The following RIF1 variants were observed in gnomAD, a reference collection of about 807,000 sequenced individuals.
The protein encoded by RIF1 is replication timing regulatory factor 1, also known as telomere-associated protein RIF1.
In RIF1, 45 loss-of-function variants were observed where a neutral mutation model predicts 247.1. That is an observed-to-expected ratio of 0.18 (90% CI 0.14 to 0.23). RIF1 has a LOEUF of 0.23. Among genes scored for constraint, RIF1 ranks in the 10% least tolerant of loss-of-function variants. RIF1 has a pLI of 1.00. For missense variants in RIF1, 2,967 were observed against 2,862.5 expected, an observed-to-expected ratio of 1.04 and a Z score of -0.83; for synonymous variants, 1,087 against 978.8, an observed-to-expected ratio of 1.11 and a Z score of -2.06.
At chr2:151,518,608 A>G in the RIF1 span, among the ~76,000 whole-genome samples, 1 of 152,380 alleles carries the variant, frequency 6.6e-6, no homozygotes, top group East Asian at 1.9e-4. Context: ...GTCCGTTAAG[A>G]TGTAAACACT....
Position 151,443,566 on chromosome 2 carries a change from C to T in RIF1, c.1843C>T (p.Leu615Phe). ...TTTGGAATCACTTGTAGGCTGTGTTCTTTCTGGTCCAACTTCACCACTAGC... is the reference window on the plus strand; with the variant it reads ...TTTGGAATCACTTGTAGGCTGTGTTTTTTCTGGTCCAACTTCACCACTAGC... ...LSLESLVGCVLSGPTSPLAFS... is the reference protein window; with the variant it reads ...LSLESLVGCVFSGPTSPLAFS... Residue 615 changes from leucine to phenylalanine, a missense_variant, in exon 18 of 36, where the codon CTT (leucine) becomes TTT (phenylalanine). By Grantham distance (22) the Leu-to-Phe change is conservative. Transcript: ENST00000444746. 1 of 1,607,910 alleles carries T rather than the reference C, an allele frequency of 6.2e-7. No individual in the cohort carries two copies. Among genetic ancestry groups the T allele is most frequent in the Non-Finnish European group, 8.5e-7 (1 of 1,178,328 alleles).
At chr2:151,462,490 G>A in intron 29 of RIF1, 24 bp downstream of exon 29, 1 of 1,498,004 alleles carries the variant, frequency 6.7e-7, no homozygotes, top group Admixed American at 1.9e-5. Flanking sequence ...TTCATATTTT[G>A]GGCTTTTTAG....
chr2:151,456,485 T>C (rs1370684840), intron 22 of RIF1, 93 bp from the exon 23 acceptor site: 3 of 693,482 alleles, frequency 4.3e-6, no homozygotes, highest in Non-Finnish European at 7.4e-6. Context: ...ATATTTATTA[T>C]GTCTTTATTA....
At chr2:151,456,672 A>G in intron 23 of RIF1, 52 bp downstream of exon 23, 2 of 1,038,798 alleles carry the variant, frequency 1.9e-6, no homozygotes, top group Non-Finnish European at 2.9e-6. Flanking sequence ...AGAAAATGAT[A>G]GAGTTTAGAT....
the RIF1 span, chr2:151,526,965 C>T: frequency 6.2e-7 from 1 of 1,604,488 alleles, no homozygotes; most frequent in Non-Finnish European, 8.5e-7. Flanking sequence ...GTGTTTTTGT[C>T]ATCAGTGACA....
the RIF1 span, chr2:151,519,601 AAC>A: frequency 7.7e-7 from 1 of 1,305,006 alleles, no homozygotes; most frequent in Non-Finnish European, 1.1e-6. Flanking sequence ...CACACTTAAA[AAC>A]AGTTAAAATG....
chr2:151,450,723 A>G (rs984493617), intron 20 of RIF1, among the ~76,000 whole-genome samples: 26 of 151,954 alleles, frequency 1.7e-4, no homozygotes, highest in African/African-American at 6.0e-4. Context: ...AGCTGGGATT[A>G]CAAGCATTCA....
chr2:151,503,318 A>ATAGTT lies in RIF1; in HGVS notation c.*861+135_*861+139dup, dbSNP rs754379331. 8 of 1,488,592 alleles carry ATAGTT rather than the reference A, an allele frequency of 5.4e-6. No individual in the cohort carries two copies. The East Asian group carries it at 1.6e-4, about 30-fold the overall frequency. 92.2% of individuals were successfully genotyped at this position (1,488,592 alleles called of 1,614,324 possible). The stretch of plus-strand genomic sequence containing the variant: ...TATTGTGGTAAATTTTTTATGGGAA[A>ATAGTT]TAGTTTCTTATATGATATATTTGTA... On this transcript the variant is annotated intron_variant and NMD_transcript_variant, in intron 12 of 13. Coordinates refer to the RIF1 transcript ENST00000454583.
chr2:151,519,020 A>G, the RIF1 span: 2 of 1,613,762 alleles, frequency 1.2e-6, no homozygotes, highest in South Asian at 2.2e-5. Flanking sequence ...AGACTCCTTC[A>G]TGTCAGTCAC....
intron 13 of RIF1, among the ~76,000 whole-genome samples, chr2:151,507,370 A>C (rs1189282067): frequency 1.3e-5 from 2 of 152,226 alleles, no homozygotes; most frequent in African/African-American, 4.8e-5. Context: ...GCACCTTGGC[A>C]TTTGAAAAAA....
chr2:151,531,431 C>A, the RIF1 span, among the ~76,000 whole-genome samples: 6 of 151,088 alleles, frequency 4.0e-5, no homozygotes, highest in Non-Finnish European at 2.9e-5. Flanking sequence ...ATTGTCACGC[C>A]TCAGCCTCCT....
In RIF1 at chr2:151,455,022, T is replaced by C. The variant is rs1384454860; in HGVS notation, c.2472T>C (p.Ser824=). Residue 824 remains serine, a synonymous_variant, in exon 22 of 36, where the codon TCT becomes TCC. Coordinates refer to ENST00000444746, the MANE Select transcript of RIF1 (RefSeq NM_018151.5). ...CACTGAGCTTCAAGGAAGCACATTC[T>C]GATACCCTCTTCACTATTGGCAACT... is the stretch of plus-strand genomic sequence containing the variant. The part of the protein sequence containing the change: ...FHTLSFKEAH[S]DTLFTIGNSI... 1 of 1,613,864 alleles carries C rather than the reference T, an allele frequency of 6.2e-7. No homozygotes were observed. Among genetic ancestry groups the C allele is most frequent in the African/African-American group, 1.3e-5 (1 of 74,934 alleles).
intron 8 of RIF1, among the ~76,000 whole-genome samples, chr2:151,427,692 G>A (rs1402920383): frequency 6.6e-6 from 1 of 151,466 alleles, no homozygotes; most frequent in Non-Finnish European, 1.5e-5. Context: ...AGGCTGAGGC[G>A]GGTGGGTCAC....
chr2:151,525,963 T>G, the RIF1 span: 4 of 1,613,242 alleles, frequency 2.5e-6, no homozygotes, highest in Non-Finnish European at 3.4e-6. Context: ...CTTACATCAC[T>G]GACATGCTTG....
At position 151,455,106 on chromosome 2, in the gene RIF1, A is replaced by G. The variant is rs370753858; in HGVS notation, c.2556A>G (p.Arg852=). 6.2e-7 allele frequency: 1 copy of G among 1,613,006 alleles called. No homozygotes were observed. The highest frequency in any genetic ancestry group is 8.5e-7 in the Non-Finnish European group (1 of 1,179,504). ...LGHISLPSMI[R]KIFATLTRPL... ...ATATTTCTTTGCCTTCTATGATCCG[A>G]AAAATATTTGCAACTTTAACAAGAC... The change falls in exon 22 of 36, where the codon CGA becomes CGG. Residue 852 remains arginine (R), a synonymous_variant. Transcript: ENST00000444746.
chr2:151,503,496 A>C (rs1434548439), intron 12 of RIF1: 2 of 1,223,440 alleles, frequency 1.6e-6, no homozygotes, highest in Non-Finnish European at 2.4e-6. Flanking sequence ...AATCCTTTAG[A>C]TAGCAGCCAC....
intron 27 of RIF1, 125 bp from the exon 28 acceptor site, chr2:151,462,117 C>A: frequency 2.0e-6 from 1 of 510,780 alleles, no homozygotes; most frequent in Non-Finnish European, 3.3e-6. Flanking sequence ...AAGCAGCCCA[C>A]CCACCTCAAC....
At chr2:151,443,167 C>A in intron 16 of RIF1, 92 bp from the exon 17 acceptor site, 1 of 839,368 alleles carries the variant, frequency 1.2e-6, no homozygotes, top group Non-Finnish European at 1.9e-6. Context: ...ATTTGTCATG[C>A]TAAAACAATT....
intron 9 of RIF1, among the ~76,000 whole-genome samples, chr2:151,487,664 A>G (rs567845113): frequency 1.2e-3 from 179 of 152,286 alleles, no homozygotes; most frequent in African/African-American, 4.1e-3. Context: ...TGAGCATCCT[A>G]CCGTTTATCT....
Sources: allele counts gnomAD v4.1 joint callset (sites outside exome capture counted in the v4.1 genomes callset), GRCh38; gene constraint gnomAD v4.1.1; transcripts MANE v1.5; gene names NCBI Gene and HGNC (gene_info 2026-07-23, HGNC 2026-07-21).